Variants in EIF4ENIF1 observed in about 807,000 individuals in gnomAD.
The protein encoded by EIF4ENIF1 is eukaryotic translation initiation factor 4E transporter.
EIF4ENIF1 carries 23 observed loss-of-function variants against 110.5 expected under a neutral mutation model. The observed-to-expected ratio is 0.21, with a 90% CI of 0.15 to 0.29. The LOEUF is 0.29. Ranked by LOEUF, EIF4ENIF1 falls within the 10% of genes least tolerant of loss-of-function variation. EIF4ENIF1 has a pLI of 1.00. For synonymous variants in EIF4ENIF1, 440 were observed against 437.0 expected, an observed-to-expected ratio of 1.01 and a Z score of -0.09; for missense variants, 1,031 against 1,221.1, an observed-to-expected ratio of 0.84 and a Z score of 2.32.
At position 31,440,866 on chromosome 22, in the gene EIF4ENIF1, C is replaced by T; in HGVS notation, c.2554G>A (p.Val852Met). 2 of 1,613,908 alleles carry T rather than the reference C, an allele frequency of 1.2e-6. No homozygotes were observed. The highest frequency in any genetic ancestry group is 2.2e-5 in the East Asian group (1 of 44,876). The change falls in exon 18 of 19, where the codon GTG becomes ATG. Residue 852 changes from valine (V) to methionine (M), a missense_variant and splice_region_variant. This residue lies in a region of EIF4ENIF1 where 309 missense variants were observed against 299.1 expected (regional missense o/e 1.03). Coordinates refer to ENST00000330125, the MANE Select transcript of EIF4ENIF1 (RefSeq NM_019843.4). The stretch of plus-strand genomic sequence containing the variant: ...CTCAAGTCCATCCCAGGAGGAAGCA[C>T]ACCTGTTGAGCAGAAAAAGCAAGCA... ...QHLPSLLQTG[V>M]LPPGMDLSHL...
chr22:31,464,043 G>A, intron 4 of EIF4ENIF1, 76 bp from the exon 5 acceptor site: 1 of 1,506,372 alleles, frequency 6.6e-7, no homozygotes, highest in South Asian at 1.3e-5. Flanking sequence ...GTATGTCCAT[G>A]ACTGATGGGA....
intron 2 of EIF4ENIF1, among the ~76,000 whole-genome samples, chr22:31,486,540 A>T (rs557522308): frequency 4.6e-5 from 7 of 152,084 alleles, no homozygotes; most frequent in African/African-American, 1.4e-4. Flanking sequence ...GCACTTTGGG[A>T]GGCTGAGGCA....
At chr22:31,463,559 A>G (rs1041765015) in intron 5 of EIF4ENIF1, 122 bp downstream of exon 5, 4 of 1,000,850 alleles carry the variant, frequency 4.0e-6, no homozygotes, top group African/African-American at 3.3e-5. Flanking sequence ...GTGCGTGCCT[A>G]TAATCCCAGA....
chr22:31,449,216 G>A, intron 12 of EIF4ENIF1, 132 bp downstream of exon 12: 2 of 845,532 alleles, frequency 2.4e-6, no homozygotes, highest in Non-Finnish European at 3.6e-6. Flanking sequence ...CACCACGTTG[G>A]CCAGGCTGGT....
chr22:31,471,925 G>T lies in EIF4ENIF1; in HGVS notation c.97-8C>A. On this transcript the variant is annotated splice_region_variant and splice_polypyrimidine_tract_variant and intron_variant, in intron 2 of 18. Coordinates refer to ENST00000330125, the MANE Select transcript of EIF4ENIF1 (RefSeq NM_019843.4). Reference sequence around the variant, plus strand: ...TATATCCAAGAGTTCTTCCTAAAAAGAGAAGTCAAATAGTCATTTTGAATT... The same window carrying T: ...TATATCCAAGAGTTCTTCCTAAAAATAGAAGTCAAATAGTCATTTTGAATT... 6.3e-7 allele frequency: 1 copy of T among 1,594,580 alleles called. No individual in the cohort carries two copies. Among genetic ancestry groups the T allele is most frequent in the East Asian group, 2.3e-5 (1 of 44,438 alleles).
intron 1 of EIF4ENIF1, 82 bp from the exon 2 acceptor site, chr22:31,488,827 T>A: frequency 6.9e-7 from 1 of 1,458,556 alleles, no homozygotes; most frequent in East Asian, 2.4e-5. Flanking sequence ...AAGCTGAAAC[T>A]TTTTAATCTC....
rs1262944316 is a variant in EIF4ENIF1, at chr22:31,440,727, A to G, written c.2693T>C (p.Val898Ala). The G allele has an allele frequency of 6.2e-6, 10 of 1,613,838 alleles. No individual in the cohort carries two copies. In the South Asian group the frequency reaches 9.9e-5, roughly 16 times the overall value. The part of the protein sequence containing the change: ...RPGTPLHLAM[V>A]QQQLQRSVLH... ...ACCTGAGCGCTGTAGCTGCTGTTGC[A>G]CCATTGCCAGATGCAGAGGTGTTCC... The change falls in exon 18 of 19, where the codon GTG becomes GCG. Residue 898 changes from valine (V) to alanine (A), a missense_variant. Physicochemically the swap from Val to Ala is moderately conservative, Grantham distance 64 (BLOSUM62 0). This residue lies in a region of EIF4ENIF1 where 309 missense variants were observed against 299.1 expected (regional missense o/e 1.03). Transcript: ENST00000330125.
At position 31,454,274 on chromosome 22, in the gene EIF4ENIF1, T is replaced by C; in HGVS notation, c.1382A>G (p.His461Arg). 6.2e-7 allele frequency: 1 copy of C among 1,614,162 alleles called. No individual in the cohort carries two copies. The highest frequency in any genetic ancestry group is 1.1e-5 in the South Asian group (1 of 91,090). ...TACGGCACTCAAGGTCTCTTCTAGGTGTTCTGCCATGAAGGGAGTTGAATT... is the reference window on the plus strand; with the variant it reads ...TACGGCACTCAAGGTCTCTTCTAGGCGTTCTGCCATGAAGGGAGTTGAATT... ...VKNSTPFMAE[H>R]LEETLSAVTN... The change falls in exon 10 of 19, where the codon CAC (histidine) becomes CGC (arginine). Residue 461 changes from histidine (H) to arginine (R), a missense_variant. His to Arg is a conservative substitution (Grantham distance 29). This residue lies in a region of EIF4ENIF1 where 704 missense variants were observed against 879.7 expected (regional missense o/e 0.80). Coordinates refer to ENST00000330125, the MANE Select transcript of EIF4ENIF1 (RefSeq NM_019843.4).
At chr22:31,465,726 A>G (rs1221711516) in intron 4 of EIF4ENIF1, among the ~76,000 whole-genome samples, 1 of 152,238 alleles carries the variant, frequency 6.6e-6, no homozygotes, top group Non-Finnish European at 1.5e-5. Flanking sequence ...ATGAATGTTC[A>G]TTGCAGCTTT....
chr22:31,464,687 AAAAAAAAAAAAAATATATAT>A lies in EIF4ENIF1; in HGVS notation c.299-740_299-721del, dbSNP rs1356761587. On this transcript the variant is annotated intron_variant, in intron 4 of 18. Coordinates refer to ENST00000330125, the MANE Select transcript of EIF4ENIF1 (RefSeq NM_019843.4). ...TAAGATTCAGTCTCAAAAAAAAAAA[AAAAAAAAAAAAAATATATAT>A]ATATATATATATATATATAAACAGA... Among the ~76,000 whole-genome samples, 8 of 35,280 alleles carry A rather than the reference AAAAAAAAAAAAAATATATAT, an allele frequency of 2.3e-4. 1 individual carries two copies. The South Asian group carries it at 2.4e-3, about 10-fold the overall frequency. 23.1% of individuals were successfully genotyped at this position (35,280 alleles called of 152,430 possible).
intron 2 of EIF4ENIF1, chr22:31,479,346 C>A (rs1188828350): frequency 1.3e-5 from 2 of 152,072 alleles, no homozygotes; most frequent in African/African-American, 4.8e-5. Context: ...CGGGTGTGAG[C>A]CACCATGCCT....
intron 10 of EIF4ENIF1, 62 bp downstream of exon 10, chr22:31,454,082 G>T (rs950564243): frequency 1.4e-6 from 2 of 1,446,360 alleles, no homozygotes; most frequent in African/African-American, 2.8e-5. Context: ...TCCTTTTATT[G>T]TGGTGGGAAA....
At chr22:31,464,373 A>G (rs1441884442) in intron 4 of EIF4ENIF1, among the ~76,000 whole-genome samples, 1 of 152,088 alleles carries the variant, frequency 6.6e-6, no homozygotes, top group Non-Finnish European at 1.5e-5. Flanking sequence ...CCACAGACAA[A>G]GAAATGAACT....
At chr22:31,450,152 C>A in intron 11 of EIF4ENIF1, 137 bp downstream of exon 11, 1 of 700,300 alleles carries the variant, frequency 1.4e-6, no homozygotes, top group South Asian at 1.7e-5. Flanking sequence ...CAAACTATGT[C>A]AGGCAACAAT....
chr22:31,444,439 C>T, intron 15 of EIF4ENIF1, 167 bp downstream of exon 15: 2 of 664,866 alleles, frequency 3.0e-6, no homozygotes, highest in Non-Finnish European at 5.4e-6. Context: ...AAGACTTAGA[C>T]TGTGTCCTAA....
chr22:31,468,278 C>G lies in EIF4ENIF1; in HGVS notation c.195G>C (p.Lys65Asn). 1 of 1,614,200 alleles carries G rather than the reference C, an allele frequency of 6.2e-7. No individual in the cohort carries two copies. Among genetic ancestry groups the G allele is most frequent in the Non-Finnish European group, 8.5e-7 (1 of 1,180,036 alleles). ...YDSDGVWDPE[K>N]WHASLYPASG... ...AAGCTGGGTAGAGAGAGGCATGCCACTTCTCAGGGTCCCAGACACCATCAC... is the reference window on the plus strand; with the variant it reads ...AAGCTGGGTAGAGAGAGGCATGCCAGTTCTCAGGGTCCCAGACACCATCAC... The change falls in exon 4 of 19, where the codon AAG becomes AAC. Residue 65 changes from lysine (K) to asparagine (N), a missense_variant. This residue lies in a region of EIF4ENIF1 where 704 missense variants were observed against 879.7 expected (regional missense o/e 0.80). Transcript: ENST00000330125.
chr22:31,439,611 C>T lies in EIF4ENIF1; in HGVS notation c.*269G>A, dbSNP rs1189035409. The T allele has an allele frequency of 1.2e-5, 6 of 481,692 alleles. No homozygotes were observed. Among genetic ancestry groups the T allele is most frequent in the Non-Finnish European group, 2.2e-5 (6 of 273,360 alleles). The allele number at this position is 481,692 out of a possible 1,614,324, so 29.8% of individuals were successfully genotyped here. A position where few individuals can be genotyped will look rare whatever the true frequency, so the allele number is the denominator to read the frequency against. On this transcript the variant is annotated 3_prime_UTR_variant, in exon 19 of 19. Coordinates refer to ENST00000330125, the MANE Select transcript of EIF4ENIF1 (RefSeq NM_019843.4). ...TAGGTGCCACCTCTTGGTGAGGACA[C>T]CAACACTTCATTCACATATCTTACA...
upstream of EIF4ENIF1, among the ~76,000 whole-genome samples, chr22:31,491,477 T>C (rs2052279701): frequency 2.0e-5 from 3 of 152,116 alleles, no homozygotes. Context: ...ACCACCTGGA[T>C]CTCCCTTTCC....
rs186172713 is a variant in EIF4ENIF1, at chr22:31,441,637, G to A, written c.2551+137C>T. ...GGGGATTGACTGGATTGGGCCCACT[G>A]CCTGCCAGTTAGATGGGAGAATCTA... On this transcript the variant is annotated intron_variant, in intron 17 of 18. Transcript: ENST00000330125. 3.3e-3 allele frequency: 2,401 copies of A among 719,902 alleles called. 6 individuals carry two copies. The highest frequency in any genetic ancestry group is 4.3e-3 in the Non-Finnish European group (1,911 of 446,702). The allele number at this position is 719,902 out of a possible 1,614,324, so 44.6% of individuals were successfully genotyped here. A position where few individuals can be genotyped will look rare whatever the true frequency, so the allele number is the denominator to read the frequency against.
Sources: gnomAD v4.1 joint callset for allele counts (sites outside exome capture counted in the v4.1 genomes callset) on GRCh38, gnomAD v4.1.1 for gene constraint, gnomAD v4.1.1 regional missense constraint, MANE v1.5 for transcripts, NCBI Gene and HGNC (gene_info 2026-07-23, HGNC 2026-07-21) for gene names.